BAZ2B: variants seen among roughly 807,000 people sequenced by gnomAD.
BAZ2B encodes the protein bromodomain adjacent to zinc finger domain 2B.
Under a neutral mutation model 246.0 loss-of-function variants are expected in BAZ2B, and 91 were observed. The ratio of observed to expected loss-of-function variants is 0.37; its 90% CI spans 0.31 to 0.44. The LOEUF is 0.44. Ranked by LOEUF, BAZ2B falls within the 20% of genes least tolerant of loss-of-function variation. BAZ2B has a pLI of 1.00. For missense variants in BAZ2B, 2,332 were observed against 2,533.7 expected, an observed-to-expected ratio of 0.92 and a Z score of 1.71; for synonymous variants, 855 against 860.0, an observed-to-expected ratio of 0.99 and a Z score of 0.10.
At chr2:159,631,121 AG>A in the BAZ2B span, among the ~76,000 whole-genome samples, 1 of 152,200 alleles carries the variant, frequency 6.6e-6, no homozygotes, top group Non-Finnish European at 1.5e-5. Flanking sequence ...GCTTGAGCCC[AG>A]GAGGGCAAAA....
At chr2:159,364,284 C>T (rs1363554568) in intron 27 of BAZ2B, among the ~76,000 whole-genome samples, 6 of 152,186 alleles carry the variant, frequency 3.9e-5, no homozygotes, top group African/African-American at 1.4e-4. Flanking sequence ...GTCCATGTTA[C>T]CTATGGCTGA....
At chr2:159,648,752 T>C in the BAZ2B span, among the ~76,000 whole-genome samples, 1 of 152,226 alleles carries the variant, frequency 6.6e-6, no homozygotes, top group East Asian at 1.9e-4. Context: ...ACCTTTTAGC[T>C]ATTACAAATC....
At chr2:159,541,832 T>C (rs1158896125) in intron 2 of BAZ2B, among the ~76,000 whole-genome samples, 4 of 152,170 alleles carry the variant, frequency 2.6e-5, no homozygotes, top group African/African-American at 7.2e-5. Flanking sequence ...GATCTCCCAT[T>C]AGGGCATTTC....
the BAZ2B span, among the ~76,000 whole-genome samples, chr2:159,704,392 T>C: frequency 3.2e-4 from 49 of 152,096 alleles, no homozygotes; most frequent in African/African-American, 1.1e-3. Flanking sequence ...TAATGCAAAA[T>C]CAGTTAGGTA....
intron 1 of BAZ2B, among the ~76,000 whole-genome samples, chr2:159,562,858 G>A (rs1219254822): frequency 6.6e-6 from 1 of 151,960 alleles, no homozygotes; most frequent in Non-Finnish European, 1.5e-5. Flanking sequence ...CAGATAATTT[G>A]ACCCTCGCAA....
At chr2:159,340,901 G>A (rs1371312822) in intron 31 of BAZ2B, among the ~76,000 whole-genome samples, 7 of 151,974 alleles carry the variant, frequency 4.6e-5, no homozygotes, top group Non-Finnish European at 1.0e-4. Flanking sequence ...ATGATAAACT[G>A]TATCCTTATG....
intron 2 of BAZ2B, among the ~76,000 whole-genome samples, chr2:159,499,421 C>T (rs1268579403): frequency 6.6e-6 from 1 of 152,124 alleles, no homozygotes; most frequent in Non-Finnish European, 1.5e-5. Context: ...TCCAGTCTAT[C>T]ATTGATGGGC....
At position 159,594,834 on chromosome 2, in the gene BAZ2B, T is replaced by C. The variant is rs955756103; in HGVS notation, c.-46+21408A>G. 2.6e-5 allele frequency among the ~76,000 whole-genome samples: 4 copies of C among 152,280 alleles called. No homozygotes were observed. The East Asian group carries it at 7.7e-4, about 29-fold the overall frequency. On this transcript the variant is annotated intron_variant, in intron 1 of 36. Transcript: ENST00000392783. ...TTTTTGTAGAGACAGGGCTTCACCA[T>C]GTTGCCCAGGCTGGTCTCAAACTCC...
At chr2:159,690,915 T>C in the BAZ2B span, among the ~76,000 whole-genome samples, 1 of 152,186 alleles carries the variant, frequency 6.6e-6, no homozygotes, top group Non-Finnish European at 1.5e-5. Context: ...CCCAGTAATA[T>C]GATGAATAAT....
chr2:159,707,613 G>A, the BAZ2B span, among the ~76,000 whole-genome samples: 1 of 151,850 alleles, frequency 6.6e-6, no homozygotes, highest in African/African-American at 2.4e-5. Context: ...GGATCACAAG[G>A]TCAGGAGTTC....
chr2:159,591,130 C>G (rs1371765537), intron 1 of BAZ2B, among the ~76,000 whole-genome samples: 1 of 152,122 alleles, frequency 6.6e-6, no homozygotes. Context: ...GTAGATGTTA[C>G]TACCTATGAA....
intron 6 of BAZ2B, among the ~76,000 whole-genome samples, chr2:159,443,356 A>G (rs929039211): frequency 2.6e-5 from 4 of 152,302 alleles, no homozygotes; most frequent in East Asian, 1.9e-4. Flanking sequence ...TATGCAGACT[A>G]TATGAGGGGA....
intron 3 of BAZ2B, chr2:159,462,818 T>C (rs564537129): frequency 6.6e-7 from 1 of 1,521,800 alleles, no homozygotes; most frequent in East Asian, 2.2e-5. Flanking sequence ...ATCGATAGTT[T>C]TTAGCATAAA....
the BAZ2B span, among the ~76,000 whole-genome samples, chr2:159,710,212 CT>C: frequency 9.5e-4 from 137 of 143,680 alleles, no homozygotes; most frequent in Middle Eastern, 3.6e-3. Context: ...AGCAAAATGT[CT>C]TTTTTTTTTT....
chr2:159,606,173 A>G (rs1693448517), intron 1 of BAZ2B, among the ~76,000 whole-genome samples: 1 of 152,236 alleles, frequency 6.6e-6, no homozygotes, highest in African/African-American at 2.4e-5. Flanking sequence ...ACTTGATTAC[A>G]TAACAATGCT....
intron 13 of BAZ2B, among the ~76,000 whole-genome samples, chr2:159,422,644 T>C (rs1020701490): frequency 1.1e-4 from 17 of 152,094 alleles, no homozygotes; most frequent in Non-Finnish European, 2.4e-4. Context: ...GGAAATACCA[T>C]TCTGAACATC....
the BAZ2B span, among the ~76,000 whole-genome samples, chr2:159,697,870 C>T: frequency 6.6e-6 from 1 of 152,078 alleles, no homozygotes; most frequent in Non-Finnish European, 1.5e-5. Context: ...CTTAGCATTA[C>T]ACTGATTTTA....
the BAZ2B span, among the ~76,000 whole-genome samples, chr2:159,634,030 G>A: frequency 5.3e-5 from 8 of 152,114 alleles, no homozygotes; most frequent in East Asian, 7.7e-4. Flanking sequence ...GTGAGCCACC[G>A]TGCCCAGCCA....
intron 2 of BAZ2B, among the ~76,000 whole-genome samples, chr2:159,546,094 A>ATTATT (rs2087301998): frequency 6.6e-6 from 1 of 152,100 alleles, no homozygotes; most frequent in Non-Finnish European, 1.5e-5. Context: ...CTATTTCTCC[A>ATTATT]TTATTTTTCA....
Sources: allele counts gnomAD v4.1 joint callset (sites outside exome capture counted in the v4.1 genomes callset), GRCh38; gene constraint gnomAD v4.1.1; transcripts MANE v1.5; gene names NCBI Gene and HGNC (gene_info 2026-07-23, HGNC 2026-07-21).